Variants in CCDC88C observed in about 807,000 individuals in gnomAD.
CCDC88C encodes coiled-coil and HOOK domain protein 88C.
CCDC88C carries 131 observed loss-of-function variants against 198.8 expected under a neutral mutation model. The ratio of observed to expected loss-of-function variants is 0.66; its 90% CI spans 0.57 to 0.76. The LOEUF (loss-of-function observed/expected upper bound fraction) is 0.76, where lower values mean the gene tolerates loss of function less well. CCDC88C is among the 30% of genes least tolerant of loss of function. The pLI is 0.00. For missense variants in CCDC88C, 2,553 were observed against 2,631.6 expected (o/e 0.97, Z 0.65); for synonymous variants, 1,166 against 1,114.7 (o/e 1.05, Z -0.92).
Position 91,301,587 on chromosome 14 carries a change from C to CAT in CCDC88C, c.3636-1519_3636-1518dup, listed in dbSNP as rs989091631. Among the ~76,000 whole-genome samples the CAT allele has an allele frequency of 2.8e-4, 42 of 152,242 alleles. No individual in the cohort carries two copies. The South Asian group carries it at 2.9e-3, about 11-fold the overall frequency. The stretch of plus-strand genomic sequence containing the variant: ...CAAAAATTAGCCGGGTGTGGTGGTG[C>CAT]ATGCCTGTAGTCCCAGCTACTTGGG... On this transcript the variant is annotated intron_variant, in intron 20 of 29. Coordinates refer to ENST00000389857, the MANE Select transcript of CCDC88C (RefSeq NM_001080414.4).
At chr14:91,295,564 C>A (rs1471387015) in intron 22 of CCDC88C, among the ~76,000 whole-genome samples, 1 of 152,212 alleles carries the variant, frequency 6.6e-6, no homozygotes, top group Non-Finnish European at 1.5e-5. Flanking sequence ...AGTCCATGAT[C>A]CTGAGGGCCA....
At position 91,321,301 on chromosome 14, in the gene CCDC88C, G is replaced by A. The variant is rs1488267003; in HGVS notation, c.1346C>T (p.Ser449Phe). The change falls in exon 13 of 30, where the codon TCC (serine) becomes TTC (phenylalanine). Residue 449 changes from serine (S) to phenylalanine (F), a missense_variant. Physicochemically the swap from Ser to Phe is radical, Grantham distance 155. This residue lies in a region of CCDC88C where 1,260 missense variants were observed against 1,412.0 expected (regional missense o/e 0.89). Transcript: ENST00000389857. Reference sequence around the variant, plus strand: ...CAGCTCAAACACAAACGACTTCCTGGAGGCTGAAGACAAAGTCCAGTCAGA... The same window carrying A: ...CAGCTCAAACACAAACGACTTCCTGAAGGCTGAAGACAAAGTCCAGTCAGA... ...LSKNADLSDA[S>F]RKSFVFELNE... 14 of 1,552,954 alleles carry A rather than the reference G, an allele frequency of 9.0e-6. No individual in the cohort carries two copies. Among genetic ancestry groups the A allele is most frequent in the Non-Finnish European group, 1.2e-5 (14 of 1,147,980 alleles).
chr14:91,309,938 C>A lies in CCDC88C; in HGVS notation c.2785G>T (p.Asp929Tyr), dbSNP rs1484865754. 9.3e-6 allele frequency: 15 copies of A among 1,606,772 alleles called. No homozygotes were observed. Among genetic ancestry groups the A allele is most frequent in the Non-Finnish European group, 1.2e-5 (14 of 1,176,820 alleles). Residue 929 changes from aspartate to tyrosine, a missense_variant, in exon 16 of 30, where the codon GAC (aspartate) becomes TAC (tyrosine). Transcript: ENST00000389857. Reference protein sequence around the residue: ...LKSQQLSSELDKLSQELEKVG... With the variant: ...LKSQQLSSELYKLSQELEKVG... ...TTCTCCAGTTCCTGGCTCAGCTTGTCCAGCTCACTGCTGAGCTGCTGGCTC... is the reference window on the plus strand; with the variant it reads ...TTCTCCAGTTCCTGGCTCAGCTTGTACAGCTCACTGCTGAGCTGCTGGCTC...
rs576256502 is a variant in CCDC88C at position 91,365,131 on chromosome 14, C to G, written c.271-5420G>C. Among the ~76,000 whole-genome samples the G allele has an allele frequency of 2.0e-5, 3 of 152,114 alleles. No individual in the cohort carries two copies. The East Asian group carries it at 5.8e-4, about 29-fold the overall frequency. ...CAGGAGGCCACAGGCACCCTACGGT[C>G]CCCTCCAGCCTAAGTGCTCTCCTCC... On this transcript the variant is annotated intron_variant, in intron 3 of 29. Coordinates refer to ENST00000389857, the MANE Select transcript of CCDC88C (RefSeq NM_001080414.4).
chr14:91,273,406 C>T lies in CCDC88C; in HGVS notation c.5306G>A (p.Arg1769Lys). The change falls in exon 30 of 30, where the codon AGA becomes AAA. Residue 1769 changes from arginine (R) to lysine (K), a missense_variant. Arg to Lys is a conservative substitution (Grantham distance 26, BLOSUM62 2). Transcript: ENST00000389857. The surrounding 1 kb of genome is among the most constrained non-coding windows in gnomAD (Gnocchi z 5.6). The stretch of plus-strand genomic sequence containing the variant: ...CAGGCTCTGGGGAGGCTGGGCCTGT[C>T]TCGGGGCCACGCTGGGTGGGGCCTC... Reference protein sequence around the residue: ...EAEAPPSVAPRQAQPPQSLSL... With the variant: ...EAEAPPSVAPKQAQPPQSLSL... The T allele has an allele frequency of 6.5e-7, 1 of 1,550,198 alleles. No homozygotes were observed.
At chr14:91,369,499 C>T (rs1161420794) in intron 3 of CCDC88C, among the ~76,000 whole-genome samples, 1 of 152,182 alleles carries the variant, frequency 6.6e-6, no homozygotes, top group Non-Finnish European at 1.5e-5. Flanking sequence ...ACCCACCATG[C>T]CCGGCCAATT....
intron 2 of CCDC88C, among the ~76,000 whole-genome samples, chr14:91,411,848 A>C (rs749214420): frequency 2.0e-5 from 3 of 151,924 alleles, no homozygotes; most frequent in Non-Finnish European, 4.4e-5. Context: ...CTGTAATCCT[A>C]GCTAATCGGG....
rs1730526993 is a variant in CCDC88C, at chr14:91,279,307, C to T, written c.4700-1G>A. ...CTCTCTAAGCTACTTGGCCGCGACA[C>T]TGAAAGGAAATGGCAGTGTTAAAAT... On this transcript the variant is annotated splice_acceptor_variant, in intron 27 of 29. Coordinates refer to ENST00000389857, the MANE Select transcript of CCDC88C (RefSeq NM_001080414.4). LOFTEE classifies it high-confidence loss of function. 2 of 1,597,356 alleles carry T rather than the reference C, an allele frequency of 1.3e-6. No homozygotes were observed. Among genetic ancestry groups the T allele is most frequent in the African/African-American group, 1.3e-5 (1 of 74,810 alleles).
At chr14:91,408,373 T>G (rs1043467580) in intron 3 of CCDC88C, 1 of 338,008 alleles carries the variant, frequency 3.0e-6, no homozygotes, top group East Asian at 6.7e-5. Context: ...CTCAACTGCA[T>G]TCTCGGGGCA....
intron 4 of CCDC88C, among the ~76,000 whole-genome samples, chr14:91,357,783 A>G (rs1596108562): frequency 6.6e-6 from 1 of 152,262 alleles, no homozygotes; most frequent in Non-Finnish European, 1.5e-5. Flanking sequence ...CCTGGAGCCC[A>G]GGGCTGTGGC....
In CCDC88C at chr14:91,338,755, A is replaced by G. The variant is rs1893173177; in HGVS notation, c.810-185T>C. ...GACTCAAAATTCTTTTCTTTTCATA[A>G]GTTTGCAACACCGGCCCTTAAACTA... is the stretch of plus-strand genomic sequence containing the variant. On this transcript the variant is annotated intron_variant, in intron 8 of 29. Coordinates refer to ENST00000389857, the MANE Select transcript of CCDC88C (RefSeq NM_001080414.4). This position sits in a 1 kb window ranked among gnomAD's most constrained non-coding sequence, Gnocchi z 4.8. The G allele has an allele frequency of 1.9e-5, 11 of 591,552 alleles. No homozygotes were observed. Among genetic ancestry groups the G allele is most frequent in the South Asian group, 4.0e-5 (2 of 49,804 alleles). The allele number at this position is 591,552 out of a possible 1,614,324, so 36.6% of individuals were successfully genotyped here.
rs777488098 is a variant in CCDC88C, at chr14:91,314,114, G to A, written c.1702C>T (p.Arg568Ter). Residue 568 changes from arginine (R) to a stop codon, truncating the protein, a stop_gained, in exon 15 of 30, where the codon CGA (arginine) becomes TGA (stop). Transcript: ENST00000389857. LOFTEE classifies it high-confidence loss of function. ...CTCTCCCGCAGCGACCACATGGCTC[G>A]GTTGAGGTGGTCCTTTTCCTGCTCA... is the stretch of plus-strand genomic sequence containing the variant. ...DLEQEKDHLN[R>*]AMWSLRERSQ... is the part of the protein sequence containing the mutation. 3.7e-6 allele frequency: 6 copies of A among 1,612,914 alleles called. No individual in the cohort carries two copies. Among genetic ancestry groups the A allele is most frequent in the East Asian group, 2.2e-5 (1 of 44,860 alleles).
Position 91,337,252 on chromosome 14 carries a change from T to C in CCDC88C, c.1050+753A>G, listed in dbSNP as rs114803238. On this transcript the variant is annotated intron_variant, in intron 10 of 29. Transcript: ENST00000389857. Reference sequence around the variant, plus strand: ...ACCTTGATAAGATTTAAAATAAAGATAGAGTAGCCTCCACTAGCTGATGGC... The same window carrying C: ...ACCTTGATAAGATTTAAAATAAAGACAGAGTAGCCTCCACTAGCTGATGGC... Among the ~76,000 whole-genome samples the C allele has an allele frequency of 6.9e-3, 1,055 of 152,318 alleles. 8 individuals carry two copies. The highest frequency in any genetic ancestry group is 0.024 in the African/African-American group (999 of 41,564).
At chr14:91,346,387 T>C (rs575803922) in intron 4 of CCDC88C, among the ~76,000 whole-genome samples, 2 of 152,202 alleles carry the variant, frequency 1.3e-5, no homozygotes, top group Non-Finnish European at 2.9e-5. Context: ...AGGCTCAGCG[T>C]TGCAAAGCAA....
intron 3 of CCDC88C, among the ~76,000 whole-genome samples, chr14:91,376,425 C>G (rs889352654): frequency 4.5e-4 from 69 of 152,262 alleles, no homozygotes; most frequent in African/African-American, 1.7e-3. Flanking sequence ...GGAGCCAGGG[C>G]GTTATAGTGA....
At position 91,381,016 on chromosome 14, in the gene CCDC88C, C is replaced by T. The variant is rs1884759193; in HGVS notation, c.271-21305G>A. On this transcript the variant is annotated intron_variant, in intron 3 of 29. Transcript: ENST00000389857. The surrounding 1 kb of genome is among the most constrained non-coding windows in gnomAD (Gnocchi z 4.2). ...ACTCTTCTAAGTGCCAAACTGATGC[C>T]CCTTCCTGCAAGAAAAATGGACCAC... Among the ~76,000 whole-genome samples, 1 of 152,182 alleles carries T rather than the reference C, an allele frequency of 6.6e-6. No homozygotes were observed. Among genetic ancestry groups the T allele is most frequent in the South Asian group, 2.1e-4 (1 of 4,830 alleles).
chr14:91,321,167 G>A lies in CCDC88C; in HGVS notation c.1480C>T (p.Leu494Phe). ...DASLVLEESG[L>F]KCGELEKENH... ...TCCTTCTCCAGCTCCCCGCACTTGA[G>A]GCCGCTCTCCTCCAACACCAGGGAC... is the stretch of plus-strand genomic sequence containing the variant. Residue 494 changes from leucine to phenylalanine, a missense_variant, in exon 13 of 30, where the codon CTC becomes TTC. By Grantham distance (22) the Leu-to-Phe change is conservative. Around this residue, in one of 2 missense-constraint regions of CCDC88C, gnomAD observed 1,260 missense variants for 1,412.0 expected, o/e 0.89. Transcript: ENST00000389857. The A allele has an allele frequency of 6.2e-7, 1 of 1,613,212 alleles. No individual in the cohort carries two copies. The highest frequency in any genetic ancestry group is 8.5e-7 in the Non-Finnish European group (1 of 1,179,670).
At chr14:91,317,974 G>A (rs374884327) in intron 13 of CCDC88C, among the ~76,000 whole-genome samples, 1 of 152,258 alleles carries the variant, frequency 6.6e-6, no homozygotes, top group South Asian at 2.1e-4. Flanking sequence ...AGGCCAGAGA[G>A]ATAATACTGC....
chr14:91,385,409 C>T (rs531111601), intron 3 of CCDC88C, among the ~76,000 whole-genome samples: 2 of 147,648 alleles, frequency 1.4e-5, no homozygotes, highest in South Asian at 2.3e-4. Context: ...ACGCATATTA[C>T]GAAGGTGGGA....
Sources: allele counts gnomAD v4.1 joint callset (sites outside exome capture counted in the v4.1 genomes callset), GRCh38; gene constraint gnomAD v4.1.1; regional missense constraint gnomAD v4.1.1; non-coding constraint Gnocchi (gnomAD v3.1); transcripts MANE v1.5; gene names NCBI Gene and HGNC (gene_info 2026-07-23, HGNC 2026-07-21).